Variants in DPP10 observed in about 807,000 individuals in gnomAD.
DPP10 encodes the protein inactive dipeptidyl peptidase 10.
A neutral mutation model predicts 120.9 loss-of-function variants in DPP10; 33 were observed. That is an observed-to-expected ratio of 0.27 (90% CI 0.21 to 0.37). The LOEUF is 0.37. Ranked by LOEUF, DPP10 falls within the 10% of genes least tolerant of loss-of-function variation. The probability of loss-of-function intolerance (pLI) is 1.00; values close to 1 mark genes in which losing one functional copy is unlikely to be tolerated. For synonymous variants in DPP10, 337 were observed against 326.1 expected, an observed-to-expected ratio of 1.03 and a Z score of -0.36; for missense variants, 816 against 942.8, an observed-to-expected ratio of 0.87 and a Z score of 1.76.
chr2:115,020,402 TA>T (rs1462642814), intron 1 of DPP10, among the ~76,000 whole-genome samples: 3 of 151,968 alleles, frequency 2.0e-5, no homozygotes, highest in East Asian at 1.9e-4. Flanking sequence ...AAAAGCAGTT[TA>T]AAAAGACAAA....
Position 115,746,133 on chromosome 2 carries a change from T to C in DPP10, c.900T>C (p.Tyr300=), listed in dbSNP as rs749841784. 1.6e-5 allele frequency: 26 copies of C among 1,612,746 alleles called. No homozygotes were observed. In the Middle Eastern group the frequency reaches 6.6e-4, roughly 41 times the overall value. The change falls in exon 10 of 26, where the codon TAT becomes TAC. Residue 300 remains tyrosine (Y), a synonymous_variant. Transcript: ENST00000410059. ...TAAAATTATATGTTGTAAACCTGTA[T>C]GGACCAACTCACACTTTGGAGCTCA... ...PTIKLYVVNL[Y]GPTHTLELMP...
At chr2:114,657,487 A>G (rs1362483667) in intron 1 of DPP10, among the ~76,000 whole-genome samples, 1 of 152,200 alleles carries the variant, frequency 6.6e-6, no homozygotes, top group African/African-American at 2.4e-5. Flanking sequence ...TGTCAGCTCC[A>G]TATACTAATT....
intron 1 of DPP10, among the ~76,000 whole-genome samples, chr2:115,137,340 G>A (rs1336531527): frequency 6.6e-6 from 1 of 152,194 alleles, no homozygotes; most frequent in Non-Finnish European, 1.5e-5. Flanking sequence ...GAGCCATCTG[G>A]CAGTGAACCA....
intron 1 of DPP10, among the ~76,000 whole-genome samples, chr2:114,653,599 A>G (rs1302404205): frequency 6.6e-6 from 1 of 152,170 alleles, no homozygotes; most frequent in Non-Finnish European, 1.5e-5. Context: ...CATTTGATCC[A>G]TGCATTTGTC....
intron 5 of DPP10, among the ~76,000 whole-genome samples, chr2:115,600,574 G>T (rs1170947223): frequency 1.3e-5 from 2 of 152,178 alleles, no homozygotes; most frequent in African/African-American, 4.8e-5. Context: ...TTGGGAAAAA[G>T]ATTTCTGTTT....
chr2:114,722,425 GT>G (rs199781827), intron 1 of DPP10, among the ~76,000 whole-genome samples: 1 of 151,190 alleles, frequency 6.6e-6, no homozygotes, highest in Non-Finnish European at 1.5e-5. Context: ...AGAATCTAAA[GT>G]TTTTTTTTGA....
intron 1 of DPP10, among the ~76,000 whole-genome samples, chr2:114,973,007 TTTG>T (rs994176215): frequency 1.4e-4 from 22 of 152,282 alleles, no homozygotes; most frequent in Middle Eastern, 3.4e-3. Context: ...ATTTTGTAAT[TTTG>T]TTTATTTATT....
At chr2:115,310,964 G>A (rs1042610294) in intron 2 of DPP10, among the ~76,000 whole-genome samples, 2 of 152,132 alleles carry the variant, frequency 1.3e-5, no homozygotes, top group Admixed American at 1.3e-4. Flanking sequence ...TGAGGCCATA[G>A]TGATATTTTG....
intron 1 of DPP10, among the ~76,000 whole-genome samples, chr2:114,921,476 G>A (rs1051815758): frequency 3.3e-5 from 5 of 152,074 alleles, no homozygotes; most frequent in Admixed American, 6.5e-5. Flanking sequence ...ATTATAAAAT[G>A]TTCATCCCAG....
chr2:115,070,668 T>A (rs989774380), intron 1 of DPP10, among the ~76,000 whole-genome samples: 7 of 152,184 alleles, frequency 4.6e-5, no homozygotes, highest in Non-Finnish European at 1.0e-4. Flanking sequence ...CTATATAGTA[T>A]ATGATTATAG....
chr2:115,034,412 C>T (rs567906633), intron 1 of DPP10, among the ~76,000 whole-genome samples: 16 of 152,292 alleles, frequency 1.1e-4, no homozygotes, highest in African/African-American at 3.6e-4. Flanking sequence ...CTAGCCCTGA[C>T]TCTCACCTCA....
At chr2:115,734,883 C>G (rs1309209357) in intron 8 of DPP10, among the ~76,000 whole-genome samples, 1 of 151,950 alleles carries the variant, frequency 6.6e-6, no homozygotes, top group Non-Finnish European at 1.5e-5. Flanking sequence ...GGAGTTTAAG[C>G]TATGAAGGGG....
chr2:114,925,553 T>C (rs1695556680), intron 1 of DPP10, among the ~76,000 whole-genome samples: 1 of 152,198 alleles, frequency 6.6e-6, no homozygotes, highest in Non-Finnish European at 1.5e-5. Context: ...TTTGATTACC[T>C]AAGTGAACCA....
chr2:115,246,191 A>G (rs1024425894), intron 1 of DPP10, among the ~76,000 whole-genome samples: 3 of 152,106 alleles, frequency 2.0e-5, no homozygotes, highest in Admixed American at 6.6e-5. Flanking sequence ...CCAGTTATCT[A>G]CGAACTGACT....
chr2:114,883,277 C>T (rs954917488), intron 1 of DPP10, among the ~76,000 whole-genome samples: 1 of 152,164 alleles, frequency 6.6e-6, no homozygotes, highest in East Asian at 1.9e-4. Context: ...GCTCTGTGCT[C>T]GTGTTTCTTA....
At chr2:115,779,654 A>G (rs1461519177) in intron 15 of DPP10, among the ~76,000 whole-genome samples, 1 of 152,050 alleles carries the variant, frequency 6.6e-6, no homozygotes, top group African/African-American at 2.4e-5. Flanking sequence ...TGCAACTGGG[A>G]TACTTTCTAA....
intron 1 of DPP10, among the ~76,000 whole-genome samples, chr2:115,273,555 C>T (rs2059788951): frequency 6.6e-6 from 1 of 152,162 alleles, no homozygotes; most frequent in Non-Finnish European, 1.5e-5. Flanking sequence ...CCAGGATGGT[C>T]TCGATCTCCT....
intron 3 of DPP10, among the ~76,000 whole-genome samples, chr2:115,351,023 A>G (rs1484001926): frequency 6.6e-6 from 1 of 152,130 alleles, no homozygotes; most frequent in Admixed American, 6.6e-5. Flanking sequence ...ATTAATGGGT[A>G]TATACCCAAA....
At chr2:114,740,117 A>C (rs909827740) in intron 1 of DPP10, among the ~76,000 whole-genome samples, 15 of 151,398 alleles carry the variant, frequency 9.9e-5, no homozygotes, top group Non-Finnish European at 1.9e-4. Flanking sequence ...CAAATGTCCA[A>C]CAATGATAGA....
Sources: gnomAD v4.1 joint callset for allele counts (sites outside exome capture counted in the v4.1 genomes callset) on GRCh38, gnomAD v4.1.1 for gene constraint, MANE v1.5 for transcripts, NCBI Gene and HGNC (gene_info 2026-07-23, HGNC 2026-07-21) for gene names.